The following SPA17 variants were observed in gnomAD, a reference collection of about 807,000 sequenced individuals.
SPA17 encodes sperm autoantigenic protein 17, also known as sperm surface protein Sp17.
Under a neutral mutation model 13.8 loss-of-function variants are expected in SPA17, and 7 were observed. The ratio of observed to expected loss-of-function variants is 0.51; its 90% CI spans 0.29 to 0.95. SPA17 has a LOEUF of 0.95. Among genes scored for constraint, SPA17 ranks in the 40% least tolerant of loss-of-function variants. The pLI is 0.08. For missense variants in SPA17, 170 were observed against 179.3 expected (o/e 0.95, Z 0.30); for synonymous variants, 61 against 59.0 (o/e 1.03, Z -0.16).
At chr11:124,689,012 A>G (rs1012642980) in intron 3 of SPA17, among the ~76,000 whole-genome samples, 1 of 152,236 alleles carries the variant, frequency 6.6e-6, no homozygotes, top group Non-Finnish European at 1.5e-5. Context: ...TAAAGCATAT[A>G]CATATAGCTA....
rs989865139 is a variant in SPA17, at chr11:124,697,067, A to G, written c.*2621A>G. The G allele has an allele frequency of 1.3e-5, 2 of 152,154 alleles. No individual in the cohort carries two copies. The highest frequency in any genetic ancestry group is 4.8e-5 in the African/African-American group (2 of 41,428). 9.4% of individuals were successfully genotyped at this position (152,154 alleles called of 1,614,324 possible). On this transcript the variant is annotated 3_prime_UTR_variant, in exon 5 of 5. Transcript: ENST00000227135. ...TCAGCAAAACCTGTGGGCTGTACCT[A>G]TAAAATAATACTCAGAATCTGCCTA...
chr11:124,693,201 T>C (rs189072773), intron 4 of SPA17, among the ~76,000 whole-genome samples: 40 of 152,318 alleles, frequency 2.6e-4, no homozygotes, highest in Middle Eastern at 3.4e-3. Context: ...TCGAAGAATT[T>C]TATACCATTC....
At chr11:124,684,635 AC>A (rs1299088585) in intron 3 of SPA17, among the ~76,000 whole-genome samples, 1 of 152,234 alleles carries the variant, frequency 6.6e-6, no homozygotes, top group African/African-American at 2.4e-5. Flanking sequence ...GAACTGGGTA[AC>A]AGGCAGAGAG....
intron 3 of SPA17, among the ~76,000 whole-genome samples, chr11:124,686,595 T>C (rs1943581111): frequency 6.6e-6 from 1 of 152,178 alleles, no homozygotes. Flanking sequence ...ATCAAGTATC[T>C]TGTCAGACCA....
At chr11:124,685,164 A>G (rs1369204422) in intron 3 of SPA17, among the ~76,000 whole-genome samples, 1 of 152,256 alleles carries the variant, frequency 6.6e-6, no homozygotes, top group Admixed American at 6.5e-5. Flanking sequence ...ATAGGAGGGA[A>G]AAATGGTTTC....
intron 4 of SPA17, among the ~76,000 whole-genome samples, chr11:124,693,331 C>T (rs1417408580): frequency 1.3e-5 from 2 of 151,744 alleles, no homozygotes; most frequent in East Asian, 1.9e-4. Flanking sequence ...AATCAAGGTA[C>T]ATCAGTATAA....
At position 124,695,346 on chromosome 11, in the gene SPA17, T is replaced by C. The variant is rs1478589715; in HGVS notation, c.*900T>C. 2.6e-5 allele frequency: 4 copies of C among 152,228 alleles called. No homozygotes were observed. The highest frequency in any genetic ancestry group is 4.8e-5 in the African/African-American group (2 of 41,464). 9.4% of individuals were successfully genotyped at this position (152,228 alleles called of 1,614,324 possible). A position where few individuals can be genotyped will look rare whatever the true frequency, so the allele number is the denominator to read the frequency against. On this transcript the variant is annotated 3_prime_UTR_variant, in exon 5 of 5. Transcript: ENST00000227135. ...ATCATATTGTAAAAAGCAAAAGCTATCATATCATGCTGCCTTCTTCAGTTA... is the reference window on the plus strand; with the variant it reads ...ATCATATTGTAAAAAGCAAAAGCTACCATATCATGCTGCCTTCTTCAGTTA...
Position 124,675,351 on chromosome 11 carries a change from A to G in SPA17, c.87A>G (p.Arg29=), listed in dbSNP as rs1363207832. The change falls in exon 2 of 5, where the codon AGA becomes AGG. Residue 29 remains arginine (R), a synonymous_variant. Transcript: ENST00000227135. ...AAGGGCTGACACGCGAGATTCTGAG[A>G]GAGCAACCGGACAATATACCAGCTT... ...LLEGLTREIL[R]EQPDNIPAFA... 6.2e-7 allele frequency: 1 copy of G among 1,614,236 alleles called. No homozygotes were observed. The highest frequency in any genetic ancestry group is 8.5e-7 in the Non-Finnish European group (1 of 1,180,038).
chr11:124,676,602 C>A (rs1782501343), intron 2 of SPA17, among the ~76,000 whole-genome samples: 1 of 152,228 alleles, frequency 6.6e-6, no homozygotes, highest in South Asian at 2.1e-4. Context: ...CTGGTCTTTT[C>A]CATATCCGGT....
At chr11:124,675,090 G>T in intron 1 of SPA17, 148 bp from the exon 2 acceptor site, 2 of 698,732 alleles carry the variant, frequency 2.9e-6, no homozygotes, top group Non-Finnish European at 4.5e-6. Flanking sequence ...AAAACTCTTT[G>T]GAAGAAATGG....
intron 3 of SPA17, among the ~76,000 whole-genome samples, chr11:124,690,864 A>ATTTCAAACTT (rs1943617715): frequency 6.6e-6 from 1 of 152,210 alleles, no homozygotes; most frequent in Non-Finnish European, 1.5e-5. Flanking sequence ...GTCACTTATT[A>ATTTCAAACTT]CACAAGTTTG....
At position 124,694,679 on chromosome 11, in the gene SPA17, A is replaced by G; in HGVS notation, c.*233A>G. 2.3e-6 allele frequency: 1 copy of G among 428,114 alleles called. No individual in the cohort carries two copies. Among genetic ancestry groups the G allele is most frequent in the Non-Finnish European group, 4.1e-6 (1 of 243,478 alleles). 26.5% of individuals were successfully genotyped at this position (428,114 alleles called of 1,614,324 possible). ...ACACTTGTCTCAAGCCTATCTATAG[A>G]GACCCTTGGATTTAGAATTATAGAA... On this transcript the variant is annotated 3_prime_UTR_variant, in exon 5 of 5. Coordinates refer to ENST00000227135, the MANE Select transcript of SPA17 (RefSeq NM_017425.4).
At chr11:124,678,827 A>G (rs1943499330) in intron 2 of SPA17, among the ~76,000 whole-genome samples, 1 of 152,054 alleles carries the variant, frequency 6.6e-6, no homozygotes, top group African/African-American at 2.4e-5. Flanking sequence ...TCCGCCTCCT[A>G]AAGTTCTGGG....
chr11:124,679,730 A>G (rs762116720), intron 2 of SPA17, among the ~76,000 whole-genome samples: 1 of 152,196 alleles, frequency 6.6e-6, no homozygotes, highest in Non-Finnish European at 1.5e-5. Context: ...CAGGGAATAT[A>G]CCAGATTAGG....
intron 2 of SPA17, among the ~76,000 whole-genome samples, chr11:124,679,305 A>T (rs1943503422): frequency 6.6e-6 from 1 of 151,868 alleles, no homozygotes; most frequent in Admixed American, 6.6e-5. Context: ...AAACAAAATG[A>T]ACTTCAAAAA....
chr11:124,693,831 T>TTC (rs1943646627), intron 4 of SPA17, among the ~76,000 whole-genome samples: 1 of 152,210 alleles, frequency 6.6e-6, no homozygotes, highest in African/African-American at 2.4e-5. Context: ...CTAAATGGAT[T>TTC]TCTCTTTGGC....
chr11:124,683,836 A>G (rs1015819481), intron 3 of SPA17, among the ~76,000 whole-genome samples: 1 of 152,240 alleles, frequency 6.6e-6, no homozygotes, highest in Non-Finnish European at 1.5e-5. Flanking sequence ...CATTAAAAAA[A>G]ATTTCTATGT....
At chr11:124,677,758 TAATA>T (rs1943484823) in intron 2 of SPA17, among the ~76,000 whole-genome samples, 3 of 152,254 alleles carry the variant, frequency 2.0e-5, no homozygotes, top group South Asian at 4.1e-4. Flanking sequence ...TTAATAGCCC[TAATA>T]AATAAATAGT....
intron 2 of SPA17, among the ~76,000 whole-genome samples, chr11:124,678,397 T>G (rs1943494658): frequency 6.6e-6 from 1 of 152,080 alleles, no homozygotes; most frequent in African/African-American, 2.4e-5. Flanking sequence ...CTCAAACTCC[T>G]GGGCTCAAGT....
Sources: allele counts gnomAD v4.1 joint callset (sites outside exome capture counted in the v4.1 genomes callset), GRCh38; gene constraint gnomAD v4.1.1; transcripts MANE v1.5; gene names NCBI Gene and HGNC (gene_info 2026-07-23, HGNC 2026-07-21).